Variants in KNDC1 observed in about 807,000 individuals in gnomAD.
KNDC1 encodes kinase non-catalytic C-lobe domain containing 1.
Under a neutral mutation model 172.8 loss-of-function variants are expected in KNDC1, and 106 were observed. The ratio of observed to expected loss-of-function variants is 0.61; its 90% CI spans 0.52 to 0.72. The LOEUF is 0.72. Ranked by LOEUF, KNDC1 falls within the 30% of genes least tolerant of loss-of-function variation. KNDC1 has a pLI of 0.00. For missense variants in KNDC1, 2,325 were observed against 2,394.5 expected (o/e 0.97, Z 0.61); for synonymous variants, 1,083 against 1,062.2 (o/e 1.02, Z -0.38).
chr10:133,214,815 G>A (rs1179764395), intron 26 of KNDC1, among the ~76,000 whole-genome samples: 1 of 152,214 alleles, frequency 6.6e-6, no homozygotes, highest in Non-Finnish European at 1.5e-5. Context: ...CCCCTGACCT[G>A]CCCCACCTGC....
chr10:133,201,609 G>A lies in KNDC1; in HGVS notation c.3098G>A (p.Gly1033Glu). Residue 1033 changes from glycine (G) to glutamate (E), a missense_variant, in exon 17 of 30, where the codon GGG (glycine) becomes GAG (glutamate). Physicochemically the swap from Gly to Glu is moderately conservative, Grantham distance 98 (BLOSUM62 -2). Coordinates refer to ENST00000304613, the MANE Select transcript of KNDC1 (RefSeq NM_152643.8). Reference sequence around the variant, plus strand: ...CTGTCACGGGGAAACTTCGAGGTGGGGTTTCGGCCTCAGAGGTCCGTAAAA... The same window carrying A: ...CTGTCACGGGGAAACTTCGAGGTGGAGTTTCGGCCTCAGAGGTCCGTAAAA... ...DALSRGNFEV[G>E]FRPQRSVKAE... The A allele has an allele frequency of 6.2e-7, 1 of 1,613,146 alleles. No homozygotes were observed. The highest frequency in any genetic ancestry group is 8.5e-7 in the Non-Finnish European group (1 of 1,179,984).
rs756215296 is a variant in KNDC1, at chr10:133,198,621, G to A, written c.2113G>A (p.Gly705Ser). ...CCAGGAGGAGTCCGAGGAGAGGGGC[G>A]GCCAGAGGGAGGGAGAAGGTGAGGA... is the stretch of plus-strand genomic sequence containing the variant. ...LAQEESEERGGQREGEGEEKL... is the reference protein window; with the variant it reads ...LAQEESEERGSQREGEGEEKL... The change falls in exon 14 of 30, where the codon GGC becomes AGC. Residue 705 changes from glycine to serine, a missense_variant. Transcript: ENST00000304613. 1.7e-5 allele frequency: 28 copies of A among 1,602,968 alleles called. No individual in the cohort carries two copies. Among genetic ancestry groups the A allele is most frequent in the Middle Eastern group, 1.7e-4 (1 of 6,044 alleles).
At position 133,210,702 on chromosome 10, in the gene KNDC1, C is replaced by G. The variant is rs759649499; in HGVS notation, c.3886C>G (p.Arg1296Gly). ...PHDFLHFLLD[R>G]INSTLTRAHQ... ...CGACTTCCTGCACTTCCTCCTCGAC[C>G]GCATCAACAGCACGCTGACCAGGTA... Residue 1296 changes from arginine to glycine, a missense_variant, in exon 21 of 30, where the codon CGC becomes GGC. Physicochemically the swap from Arg to Gly is moderately radical, Grantham distance 125. Transcript: ENST00000304613. 6.2e-7 allele frequency: 1 copy of G among 1,613,596 alleles called. No homozygotes were observed. The highest frequency in any genetic ancestry group is 8.5e-7 in the Non-Finnish European group (1 of 1,179,478).
At position 133,219,983 on chromosome 10, in the gene KNDC1, T is replaced by A; in HGVS notation, c.4889T>A (p.Leu1630Gln). 6.4e-7 allele frequency: 1 copy of A among 1,553,064 alleles called. No homozygotes were observed. Among genetic ancestry groups the A allele is most frequent in the Non-Finnish European group, 8.7e-7 (1 of 1,148,014 alleles). Residue 1630 changes from leucine to glutamine, a missense_variant, in exon 29 of 30, where the codon CTG (leucine) becomes CAG (glutamine). By Grantham distance (113) the Leu-to-Gln change is moderately radical (BLOSUM62 -2). Transcript: ENST00000304613. ...TTCCTGAAGAGCGACAGCCTGTGTCTGATGGAAGGGCGGCGCTTCCGGGCG... is the reference window on the plus strand; with the variant it reads ...TTCCTGAAGAGCGACAGCCTGTGTCAGATGGAAGGGCGGCGCTTCCGGGCG... ...EVFLKSDSLC[L>Q]MEGRRFRAQP...
chr10:133,210,659 C>G lies in KNDC1; in HGVS notation c.3843C>G (p.Arg1281=), dbSNP rs1845345955. 6.2e-7 allele frequency: 1 copy of G among 1,614,010 alleles called. No homozygotes were observed. Among genetic ancestry groups the G allele is most frequent in the Non-Finnish European group, 8.5e-7 (1 of 1,180,000 alleles). Residue 1281 remains arginine, a synonymous_variant, in exon 21 of 30, where the codon CGC becomes CGG. Coordinates refer to ENST00000304613, the MANE Select transcript of KNDC1 (RefSeq NM_152643.8). ...TGCAGCAATTCCTCTACACCTTCCGCTACTTCTGCACACCCCACGACTTCC... is the reference window on the plus strand; with the variant it reads ...TGCAGCAATTCCTCTACACCTTCCGGTACTTCTGCACACCCCACGACTTCC... ...GYVQQFLYTF[R]YFCTPHDFLH...
At chr10:133,187,796 C>T (rs1193496418) in intron 6 of KNDC1, among the ~76,000 whole-genome samples, 1 of 152,200 alleles carries the variant, frequency 6.6e-6, no homozygotes, top group Non-Finnish European at 1.5e-5. Context: ...ACCACTTCAA[C>T]CCTCTGCAAG....
intron 17 of KNDC1, 25 bp downstream of exon 17, chr10:133,201,923 C>T: frequency 1.3e-6 from 2 of 1,515,940 alleles, no homozygotes; most frequent in Non-Finnish European, 1.8e-6. Flanking sequence ...TTGGCACTGC[C>T]GGGTGGGGCA....
chr10:133,180,832 A>G (rs1436538742), intron 3 of KNDC1, among the ~76,000 whole-genome samples: 1 of 152,270 alleles, frequency 6.6e-6, no homozygotes, highest in African/African-American at 2.4e-5. Flanking sequence ...AACTGCGAGT[A>G]GATACGAACA....
intron 3 of KNDC1, among the ~76,000 whole-genome samples, chr10:133,176,070 G>T (rs1005068886): frequency 6.6e-6 from 1 of 150,996 alleles, no homozygotes; most frequent in Non-Finnish European, 1.5e-5. Context: ...GAGTGGATAG[G>T]TGGATGGATG....
intron 1 of KNDC1, among the ~76,000 whole-genome samples, chr10:133,165,671 G>A (rs552440407): frequency 5.9e-5 from 9 of 152,334 alleles, no homozygotes; most frequent in Admixed American, 1.3e-4. Flanking sequence ...ATATGTGTGC[G>A]CCTGCGTGTG....
intron 29 of KNDC1, among the ~76,000 whole-genome samples, chr10:133,221,636 G>T (rs142791397): frequency 6.6e-6 from 1 of 152,238 alleles, no homozygotes; most frequent in African/African-American, 2.4e-5. Context: ...AATGCTCAGC[G>T]GACCAGGTGC....
In KNDC1 at chr10:133,206,844, C is replaced by T; in HGVS notation, c.3482-12C>T. The T allele has an allele frequency of 6.2e-7, 1 of 1,613,860 alleles. No individual in the cohort carries two copies. The highest frequency in any genetic ancestry group is 8.5e-7 in the Non-Finnish European group (1 of 1,179,766). Reference sequence around the variant, plus strand: ...GGCAGCCCGGCCCCCACCCACTCTGCTCCACCCACAGGTTCCGACGTCAAG... The same window carrying T: ...GGCAGCCCGGCCCCCACCCACTCTGTTCCACCCACAGGTTCCGACGTCAAG... On this transcript the variant is annotated splice_polypyrimidine_tract_variant and intron_variant, in intron 18 of 29. Coordinates refer to ENST00000304613, the MANE Select transcript of KNDC1 (RefSeq NM_152643.8).
In KNDC1 at chr10:133,212,838, C is replaced by T. The variant is rs970174179; in HGVS notation, c.4359C>T (p.Cys1453=). The change falls in exon 24 of 30, where the codon TGC becomes TGT. Residue 1453 remains cysteine, a synonymous_variant. Coordinates refer to ENST00000304613, the MANE Select transcript of KNDC1 (RefSeq NM_152643.8). ...PCFLEDFYGP[C]AKTSEKGPYF... Reference sequence around the variant, plus strand: ...TCCTCGAGGACTTCTACGGCCCCTGCGCCAAGACCAGTGAGAAGGGGCCCT... The same window carrying T: ...TCCTCGAGGACTTCTACGGCCCCTGTGCCAAGACCAGTGAGAAGGGGCCCT... 22 of 1,613,874 alleles carry T rather than the reference C, an allele frequency of 1.4e-5. No homozygotes were observed. The highest frequency in any genetic ancestry group is 4.5e-5 in the East Asian group (2 of 44,894).
chr10:133,197,323 GC>G lies in KNDC1; in HGVS notation c.1812+193del, dbSNP rs573427936. ...AGTCCCATCTAAAGGCCCCACAGTGGCCCCCAGGGACCCAGATCAGGATCAG... is the reference window on the plus strand; with the variant it reads ...AGTCCCATCTAAAGGCCCCACAGTGGCCCCAGGGACCCAGATCAGGATCAG... On this transcript the variant is annotated intron_variant, in intron 11 of 29. Coordinates refer to ENST00000304613, the MANE Select transcript of KNDC1 (RefSeq NM_152643.8). Among the ~76,000 whole-genome samples the G allele has an allele frequency of 1.9e-3, 287 of 152,250 alleles. 1 individual carries two copies. The highest frequency in any genetic ancestry group is 6.7e-3 in the African/African-American group (277 of 41,552).
In KNDC1 at chr10:133,198,329, C is replaced by CT; in HGVS notation, c.1907-7dup. Reference sequence around the variant, plus strand: ...CCCGCCCACACCCTCAGCCCCCTGGCTCCCCAGGCTTCCTGCCGGTGAACA... The same window carrying CT: ...CCCGCCCACACCCTCAGCCCCCTGGCTTCCCCAGGCTTCCTGCCGGTGAACA... On this transcript the variant is annotated splice_polypyrimidine_tract_variant and splice_region_variant and intron_variant, in intron 12 of 29. Transcript: ENST00000304613. The CT allele has an allele frequency of 6.4e-7, 1 of 1,561,742 alleles. No homozygotes were observed. The highest frequency in any genetic ancestry group is 8.7e-7 in the Non-Finnish European group (1 of 1,154,754).
chr10:133,192,308 A>G (rs1854087266), intron 9 of KNDC1, among the ~76,000 whole-genome samples: 1 of 152,180 alleles, frequency 6.6e-6, no homozygotes, highest in Admixed American at 6.5e-5. Context: ...AAACACATAG[A>G]CCAATGGAAG....
At chr10:133,196,782 C>T (rs1854203803) in intron 10 of KNDC1, among the ~76,000 whole-genome samples, 1 of 152,208 alleles carries the variant, frequency 6.6e-6, no homozygotes, top group South Asian at 2.1e-4. Context: ...CAAGGGCTGC[C>T]AGTGTCCAGG....
chr10:133,210,364 CAAAAAAAAAAAAAAAAAA>C (rs57759593), intron 20 of KNDC1, among the ~76,000 whole-genome samples: 1 of 74,442 alleles, frequency 1.3e-5, no homozygotes, highest in Admixed American at 1.8e-4. Flanking sequence ...GAAACTCTGC[CAAAAAAAAAAAAAAAAAA>C]AAAAAAAGGC....
Position 133,211,481 on chromosome 10 carries a change from T to C in KNDC1, c.3968T>C (p.Leu1323Pro). 6.2e-7 allele frequency: 1 copy of C among 1,613,954 alleles called. No homozygotes were observed. The highest frequency in any genetic ancestry group is 8.5e-7 in the Non-Finnish European group (1 of 1,179,896). ...TKIYRRSLCV[L>P]QAWVEDCYAV... ...ATCTACAGGCGGAGCCTCTGCGTCC[T>C]GCAGGCCTGGGTGGAGGACTGCTAC... is the stretch of plus-strand genomic sequence containing the variant. The change falls in exon 22 of 30, where the codon CTG (leucine) becomes CCG (proline). Residue 1323 changes from leucine to proline, a missense_variant. Leu to Pro is a moderately conservative substitution (Grantham distance 98). Coordinates refer to ENST00000304613, the MANE Select transcript of KNDC1 (RefSeq NM_152643.8).
Sources: gnomAD v4.1 joint callset for allele counts (sites outside exome capture counted in the v4.1 genomes callset) on GRCh38, gnomAD v4.1.1 for gene constraint, MANE v1.5 for transcripts, NCBI Gene and HGNC (gene_info 2026-07-23, HGNC 2026-07-21) for gene names.